Variants in SLC35A3 observed in about 807,000 individuals in gnomAD.
SLC35A3 encodes the protein solute carrier family 35 member A3.
SLC35A3 carries 26 observed loss-of-function variants against 39.0 expected under a neutral mutation model. The observed-to-expected ratio is 0.67, with a 90% CI of 0.49 to 0.92. SLC35A3 has a LOEUF of 0.92. SLC35A3 is among the 40% of genes least tolerant of loss of function. SLC35A3 has a pLI of 0.00. For missense variants in SLC35A3, 299 were observed against 371.6 expected (o/e 0.80, Z 1.61); for synonymous variants, 135 against 133.1 (o/e 1.01, Z -0.10).
Position 100,006,954 on chromosome 1 carries a change from A to G in SLC35A3, c.343-80A>G, listed in dbSNP as rs760890287. The G allele has an allele frequency of 2.0e-4, 296 of 1,454,632 alleles. 1 individual carries two copies. The highest frequency in any genetic ancestry group is 4.8e-4 in the Middle Eastern group (2 of 4,138). The allele number at this position is 1,454,632 out of a possible 1,614,324, so 90.1% of individuals were successfully genotyped here. A position where few individuals can be genotyped will look rare whatever the true frequency, so the allele number is the denominator to read the frequency against. On this transcript the variant is annotated intron_variant, in intron 3 of 7. Coordinates refer to ENST00000533028, the MANE Select transcript of SLC35A3 (RefSeq NM_012243.3). ...ACCAGGCATGCTGCCATAGTCCTTA[A>G]AATACATTTCTAATAGTACTCTTAA...
At position 100,031,888 on chromosome 1, in the gene SLC35A3, C is replaced by T. The variant is rs1283683784; in HGVS notation, c.*9412C>T. The T allele has an allele frequency of 4.6e-5, 7 of 152,160 alleles. No homozygotes were observed. The highest frequency in any genetic ancestry group is 1.3e-4 in the Admixed American group (2 of 15,280). The allele number at this position is 152,160 out of a possible 1,614,324, so 9.4% of individuals were successfully genotyped here. A position where few individuals can be genotyped will look rare whatever the true frequency, so the allele number is the denominator to read the frequency against. On this transcript the variant is annotated 3_prime_UTR_variant, in exon 8 of 8. Coordinates refer to ENST00000533028, the MANE Select transcript of SLC35A3 (RefSeq NM_012243.3). The stretch of plus-strand genomic sequence containing the variant: ...TTATACCAAGAGACTGAAAATGCTA[C>T]CTCTAATGACTTTTCTCCCCATGAT...
At chr1:99,996,124 A>G (rs1277154218) in intron 2 of SLC35A3, among the ~76,000 whole-genome samples, 1 of 152,212 alleles carries the variant, frequency 6.6e-6, no homozygotes. Flanking sequence ...AAAGATTGAC[A>G]TTTAAAAAGC....
At chr1:99,970,372 G>T in intron 1 of SLC35A3, 1 of 596,488 alleles carries the variant, frequency 1.7e-6, no homozygotes, top group Non-Finnish European at 3.0e-6. Flanking sequence ...TTGTAACTCC[G>T]ACGGACGACG....
intron 3 of SLC35A3, among the ~76,000 whole-genome samples, chr1:100,006,234 A>G (rs1659220112): frequency 6.6e-6 from 1 of 152,092 alleles, no homozygotes; most frequent in Non-Finnish European, 1.5e-5. Context: ...GTGGTGGACC[A>G]GGTATGCTGG....
intron 1 of SLC35A3, among the ~76,000 whole-genome samples, chr1:99,990,903 G>A (rs1658043678): frequency 6.6e-6 from 1 of 152,076 alleles, no homozygotes; most frequent in African/African-American, 2.4e-5. Context: ...GCCATGTGAG[G>A]ATACAATGAG....
chr1:100,017,577 G>T, intron 6 of SLC35A3, 105 bp from the exon 7 acceptor site: 1 of 673,898 alleles, frequency 1.5e-6, no homozygotes, highest in Non-Finnish European at 2.4e-6. Context: ...ACTATAATGG[G>T]ATTGAATTTA....
chr1:99,972,930 T>G (rs904050125), intron 1 of SLC35A3, among the ~76,000 whole-genome samples: 1 of 152,212 alleles, frequency 6.6e-6, no homozygotes, highest in African/African-American at 2.4e-5. Context: ...GTCCAAATAA[T>G]TTGCCCTGGG....
chr1:100,007,446 G>A (rs1437897125), intron 4 of SLC35A3: 3 of 209,866 alleles, frequency 1.4e-5, no homozygotes, highest in African/African-American at 4.7e-5. Flanking sequence ...GATATCTGTA[G>A]CATTTGAGAT....
At position 100,007,086 on chromosome 1, in the gene SLC35A3, T is replaced by G; in HGVS notation, c.395T>G (p.Leu132Arg). 6.2e-7 allele frequency: 1 copy of G among 1,612,636 alleles called. No homozygotes were observed. Among genetic ancestry groups the G allele is most frequent in the South Asian group, 1.1e-5 (1 of 90,520 alleles). ...ACAGCATTATTTTCTGTGTCTATGC[T>G]TAGTAAAAAATTGGGTGTATACCAG... ...LTTALFSVSM[L>R]SKKLGVYQWL... The change falls in exon 4 of 8, where the codon CTT becomes CGT. Residue 132 changes from leucine to arginine, a missense_variant. Coordinates refer to ENST00000533028, the MANE Select transcript of SLC35A3 (RefSeq NM_012243.3).
At chr1:100,016,409 T>G (rs1237042216) in intron 6 of SLC35A3, among the ~76,000 whole-genome samples, 4 of 132,436 alleles carry the variant, frequency 3.0e-5, no homozygotes, top group Admixed American at 8.0e-5. Context: ...AGTCTCGCTC[T>G]GTTGCCCAGG....
At chr1:100,006,201 C>T (rs1570607659) in intron 3 of SLC35A3, among the ~76,000 whole-genome samples, 1 of 152,024 alleles carries the variant, frequency 6.6e-6, no homozygotes, top group African/African-American at 2.4e-5. Flanking sequence ...GATGGGGATG[C>T]CAGGCAGGGT....
At chr1:100,016,331 T>G (rs1660117971) in intron 6 of SLC35A3, among the ~76,000 whole-genome samples, 1 of 151,234 alleles carries the variant, frequency 6.6e-6, no homozygotes, top group South Asian at 2.1e-4. Context: ...CCCAAAGTGC[T>G]GGGATTACAG....
intron 3 of SLC35A3, 137 bp from the exon 4 acceptor site, chr1:100,006,897 C>T (rs1659269311): frequency 4.1e-6 from 4 of 983,046 alleles, no homozygotes; most frequent in Non-Finnish European, 5.7e-6. Flanking sequence ...TTAACTGAAG[C>T]TTTAGATTCC....
chr1:100,001,893 G>A (rs1658840985), intron 3 of SLC35A3, among the ~76,000 whole-genome samples: 1 of 152,110 alleles, frequency 6.6e-6, no homozygotes, highest in Admixed American at 6.5e-5. Flanking sequence ...TTGATATGGT[G>A]TATTACATTT....
intron 1 of SLC35A3, among the ~76,000 whole-genome samples, chr1:99,981,673 G>T (rs889452141): frequency 6.6e-6 from 1 of 151,664 alleles, no homozygotes; most frequent in Non-Finnish European, 1.5e-5. Context: ...TAGAGACAGG[G>T]TTTTGCCATG....
Position 99,998,889 on chromosome 1 carries a change from A to C in SLC35A3, c.188-372A>C, listed in dbSNP as rs943821344. ...AATTGGCATGAATGGCTGATGATAAACAAAATGCACAAAATACAAGTTTTT... is the reference window on the plus strand; with the variant it reads ...AATTGGCATGAATGGCTGATGATAACCAAAATGCACAAAATACAAGTTTTT... On this transcript the variant is annotated intron_variant, in intron 2 of 7. Transcript: ENST00000533028. Among the ~76,000 whole-genome samples, 18 of 152,196 alleles carry C rather than the reference A, an allele frequency of 1.2e-4. 1 individual carries two copies. Among genetic ancestry groups the C allele is most frequent in the Admixed American group, 1.0e-3 (16 of 15,272 alleles).
At chr1:99,993,800 A>G in intron 2 of SLC35A3, 59 bp downstream of exon 2, 1 of 1,416,268 alleles carries the variant, frequency 7.1e-7, no homozygotes, top group South Asian at 1.2e-5. Flanking sequence ...GCATATATAT[A>G]TTGGTAACTA....
intron 7 of SLC35A3, among the ~76,000 whole-genome samples, chr1:100,022,051 G>A (rs1404714558): frequency 1.3e-5 from 2 of 152,216 alleles, no homozygotes; most frequent in Non-Finnish European, 2.9e-5. Flanking sequence ...CAGTCGATGA[G>A]AGTGCAGGCT....
At chr1:100,016,475 G>A (rs1660133665) in intron 6 of SLC35A3, among the ~76,000 whole-genome samples, 1 of 150,022 alleles carries the variant, frequency 6.7e-6, no homozygotes, top group Admixed American at 6.7e-5. Context: ...CTGGGTTCAC[G>A]CCATTCTCCT....
Sources: gnomAD v4.1 joint callset for allele counts (sites outside exome capture counted in the v4.1 genomes callset) on GRCh38, gnomAD v4.1.1 for gene constraint, MANE v1.5 for transcripts, NCBI Gene and HGNC (gene_info 2026-07-23, HGNC 2026-07-21) for gene names.